Variants in ANO10 observed in about 807,000 individuals in gnomAD.
ANO10 encodes anoctamin-10.
In ANO10, 77 loss-of-function variants were observed where a neutral mutation model predicts 74.7. The ratio of observed to expected loss-of-function variants is 1.03; its 90% CI spans 0.86 to 1.25. ANO10 has a LOEUF of 1.25. Among genes scored for constraint, ANO10 ranks in the 50% most tolerant of loss-of-function variants. The pLI is 0.00. For missense variants in ANO10, 721 were observed against 778.1 expected, an observed-to-expected ratio of 0.93 and a Z score of 0.87; for synonymous variants, 279 against 284.9, an observed-to-expected ratio of 0.98 and a Z score of 0.21.
At chr3:43,392,612 T>C (rs2092298804) in intron 12 of ANO10, among the ~76,000 whole-genome samples, 1 of 152,196 alleles carries the variant, frequency 6.6e-6, no homozygotes, top group Non-Finnish European at 1.5e-5. Flanking sequence ...CCCTTATATA[T>C]ATGTGAGTAA....
At chr3:43,511,225 T>C (rs1446698969) in intron 11 of ANO10, among the ~76,000 whole-genome samples, 2 of 152,380 alleles carry the variant, frequency 1.3e-5, no homozygotes, top group African/African-American at 2.4e-5. Context: ...AATTTATTTA[T>C]ACATTATGGT....
intron 1 of ANO10, among the ~76,000 whole-genome samples, chr3:43,676,843 T>C (rs2084128918): frequency 6.6e-6 from 1 of 152,158 alleles, no homozygotes. Flanking sequence ...AGATAATTTT[T>C]TTTTTTTACT....
At position 43,522,532 on chromosome 3, in the gene ANO10, A is replaced by T. The variant is rs1000066524; in HGVS notation, c.1797+27188T>A. Among the ~76,000 whole-genome samples, 4 of 152,144 alleles carry T rather than the reference A, an allele frequency of 2.6e-5. 1 individual carries two copies. The highest frequency in any genetic ancestry group is 1.3e-4 in the Admixed American group (2 of 15,264). On this transcript the variant is annotated intron_variant, in intron 11 of 12. Coordinates refer to ENST00000292246, the MANE Select transcript of ANO10 (RefSeq NM_018075.5). ...CTTCATACAACTTTATGCATTAGGG[A>T]TCTGTCATTTCACTGCAGTTTAATA... is the stretch of plus-strand genomic sequence containing the variant.
At chr3:43,455,821 A>C (rs780215191) in intron 11 of ANO10, among the ~76,000 whole-genome samples, 1 of 152,042 alleles carries the variant, frequency 6.6e-6, no homozygotes, top group East Asian at 1.9e-4. Flanking sequence ...ATTCTGACAC[A>C]AAGATGAATA....
intron 12 of ANO10, among the ~76,000 whole-genome samples, chr3:43,378,655 A>G (rs1270837895): frequency 6.6e-6 from 1 of 152,196 alleles, no homozygotes; most frequent in African/African-American, 2.4e-5. Context: ...AGAGATTACC[A>G]TGTACCCTTC....
At chr3:43,368,259 G>C (rs2125665703) in intron 12 of ANO10, among the ~76,000 whole-genome samples, 1 of 152,300 alleles carries the variant, frequency 6.6e-6, no homozygotes, top group East Asian at 1.9e-4. Context: ...GGGGGCTACG[G>C]AGAGTCAAGG....
chr3:43,372,875 T>G (rs913054608), intron 12 of ANO10: 5 of 1,533,984 alleles, frequency 3.3e-6, no homozygotes, highest in Non-Finnish European at 4.4e-6. Context: ...GAAATTCTAA[T>G]TTAGCCAGTA....
chr3:43,417,719 G>A (rs575332990), intron 12 of ANO10, among the ~76,000 whole-genome samples: 26 of 152,248 alleles, frequency 1.7e-4, no homozygotes, highest in African/African-American at 6.0e-4. Context: ...GACCTGACAG[G>A]TCTATTCTTA....
intron 12 of ANO10, among the ~76,000 whole-genome samples, chr3:43,407,007 G>A (rs563847930): frequency 6.6e-6 from 1 of 151,730 alleles, no homozygotes; most frequent in South Asian, 2.1e-4. Flanking sequence ...AGGTTCATGC[G>A]ATTCTCCTGC....
intron 12 of ANO10, among the ~76,000 whole-genome samples, chr3:43,402,103 T>G (rs1270949898): frequency 6.6e-6 from 1 of 152,256 alleles, no homozygotes; most frequent in Non-Finnish European, 1.5e-5. Context: ...GCCTCTGGCA[T>G]GCCTGCTCAC....
At chr3:43,546,859 G>C (rs1428404856) in intron 11 of ANO10, among the ~76,000 whole-genome samples, 1 of 151,020 alleles carries the variant, frequency 6.6e-6, no homozygotes, top group African/African-American at 2.4e-5. Flanking sequence ...AGAGAGAGTG[G>C]GGCTGAAAGA....
chr3:43,483,474 G>A (rs1410072301), intron 11 of ANO10, among the ~76,000 whole-genome samples: 1 of 152,172 alleles, frequency 6.6e-6, no homozygotes, highest in Non-Finnish European at 1.5e-5. Context: ...CACTTGGTCT[G>A]GTTCCTAACC....
intron 9 of ANO10, among the ~76,000 whole-genome samples, chr3:43,557,035 C>G (rs1157993354): frequency 2.0e-5 from 3 of 151,860 alleles, no homozygotes; most frequent in African/African-American, 7.3e-5. Flanking sequence ...AACAGCATTC[C>G]CATATGCCAG....
intron 12 of ANO10, among the ~76,000 whole-genome samples, chr3:43,418,426 C>T (rs2092774108): frequency 6.6e-6 from 1 of 152,162 alleles, no homozygotes. Flanking sequence ...ACAGCATGGG[C>T]TTTTTCAAAG....
intron 11 of ANO10, among the ~76,000 whole-genome samples, chr3:43,461,300 CA>C (rs2075367068): frequency 1.3e-5 from 2 of 152,162 alleles, no homozygotes; most frequent in Non-Finnish European, 2.9e-5. Context: ...ACAAAATTAC[CA>C]AAACTGACAT....
intron 12 of ANO10, among the ~76,000 whole-genome samples, chr3:43,386,175 G>A (rs2092109860): frequency 6.6e-6 from 1 of 152,194 alleles, no homozygotes; most frequent in Admixed American, 6.5e-5. Flanking sequence ...TTTTAGCTAG[G>A]AGAGTAGGAG....
chr3:43,642,844 CAT>C (rs548856983), intron 1 of ANO10, among the ~76,000 whole-genome samples: 1,431 of 142,354 alleles, frequency 0.01, 23 homozygotes, highest in South Asian at 0.04. Flanking sequence ...AATTCACAGA[CAT>C]TTTTTTTTTT....
chr3:43,523,403 T>A (rs191784385), intron 11 of ANO10, among the ~76,000 whole-genome samples: 118 of 151,726 alleles, frequency 7.8e-4, no homozygotes, highest in African/African-American at 2.6e-3. Context: ...AGGAGTAAGA[T>A]CAGATTTCTG....
chr3:43,448,294 C>T (rs975536665), intron 11 of ANO10, among the ~76,000 whole-genome samples: 2 of 152,118 alleles, frequency 1.3e-5, no homozygotes, highest in Admixed American at 6.6e-5. Flanking sequence ...GATAGTTTTA[C>T]TGCCCTAAAA....
Sources: allele counts gnomAD v4.1 joint callset (sites outside exome capture counted in the v4.1 genomes callset), GRCh38; gene constraint gnomAD v4.1.1; transcripts MANE v1.5; gene names NCBI Gene and HGNC (gene_info 2026-07-23, HGNC 2026-07-21).